The following GABRG3 variants were observed in gnomAD, a reference collection of about 807,000 sequenced individuals.
GABRG3 encodes gamma-aminobutyric acid receptor subunit gamma-3.
Under a neutral mutation model 48.8 loss-of-function variants are expected in GABRG3, and 25 were observed. That is an observed-to-expected ratio of 0.51 (90% confidence interval 0.37 to 0.72). The LOEUF (loss-of-function observed/expected upper bound fraction) is 0.72, where lower values mean the gene tolerates loss of function less well. GABRG3 is among the 30% of genes least tolerant of loss of function. The pLI, the probability that GABRG3 is intolerant of heterozygous loss-of-function variation, is 0.00. For synonymous variants in GABRG3, 227 were observed against 217.6 expected (o/e 1.04, Z -0.38); for missense variants, 394 against 577.9 (o/e 0.68, Z 3.26).
intron 3 of GABRG3, among the ~76,000 whole-genome samples, chr15:27,263,243 G>A (rs528857794): frequency 1.9e-4 from 29 of 152,316 alleles, no homozygotes; most frequent in African/African-American, 6.0e-4. Flanking sequence ...GAAATGTGGC[G>A]TTACAGCCAG....
intron 9 of GABRG3, 142 bp downstream of exon 9, chr15:27,528,134 G>A: frequency 4.5e-6 from 3 of 672,978 alleles, no homozygotes; most frequent in African/African-American, 1.8e-5. Flanking sequence ...AATGTGTTTA[G>A]TATTAGGTTA....
At chr15:27,301,840 A>G (rs1008405514) in intron 3 of GABRG3, among the ~76,000 whole-genome samples, 2 of 152,132 alleles carry the variant, frequency 1.3e-5, no homozygotes, top group African/African-American at 2.4e-5. Flanking sequence ...CACATAACCT[A>G]TAGTGGAACA....
At chr15:27,033,306 G>A (rs1196304046) in intron 3 of GABRG3, among the ~76,000 whole-genome samples, 1 of 152,126 alleles carries the variant, frequency 6.6e-6, no homozygotes, top group South Asian at 2.1e-4. Context: ...GGCTTCTTCA[G>A]ATGGATTTTT....
At chr15:27,207,367 T>TA (rs1279061403) in intron 3 of GABRG3, among the ~76,000 whole-genome samples, 1 of 152,198 alleles carries the variant, frequency 6.6e-6, no homozygotes, top group Non-Finnish European at 1.5e-5. Flanking sequence ...GTGACTGAGA[T>TA]AGGTCCAAGG....
intron 3 of GABRG3, among the ~76,000 whole-genome samples, chr15:27,159,446 C>A (rs1284853285): frequency 6.6e-6 from 1 of 151,778 alleles, no homozygotes; most frequent in African/African-American, 2.4e-5. Flanking sequence ...TGCGCCACTG[C>A]ACTTCAGCCT....
Position 27,327,887 on chromosome 15 carries a change from C to T in GABRG3, c.491+858C>T, listed in dbSNP as rs572490237. 1.6e-4 allele frequency among the ~76,000 whole-genome samples: 24 copies of T among 152,268 alleles called. No individual in the cohort carries two copies. In the South Asian group the frequency reaches 4.8e-3, roughly 30 times the overall value. On this transcript the variant is annotated intron_variant, in intron 4 of 9. Transcript: ENST00000615808. ...AGGGCTTGACCCCTGTCACTTTACT[C>T]TCCTTACCCATCCCTGCTGGCTTAG...
chr15:27,424,719 A>G (rs1242752162), intron 5 of GABRG3, among the ~76,000 whole-genome samples: 1 of 151,736 alleles, frequency 6.6e-6, no homozygotes, highest in Non-Finnish European at 1.5e-5. Flanking sequence ...ACACCTGGCT[A>G]ATTTTTGTAT....
intron 3 of GABRG3, among the ~76,000 whole-genome samples, chr15:27,269,336 G>A (rs2140472443): frequency 1.3e-5 from 2 of 152,272 alleles, no homozygotes; most frequent in Middle Eastern, 6.8e-3. Flanking sequence ...CCCTGGACCT[G>A]CCCACCACCA....
At chr15:26,979,550 G>C (rs557742495) in intron 2 of GABRG3, among the ~76,000 whole-genome samples, 2 of 152,190 alleles carry the variant, frequency 1.3e-5, no homozygotes, top group Non-Finnish European at 2.9e-5. Context: ...TTAAAAAAAA[G>C]TTTCATGATA....
chr15:27,343,703 C>A (rs1289200967), intron 5 of GABRG3, among the ~76,000 whole-genome samples: 1 of 152,188 alleles, frequency 6.6e-6, no homozygotes, highest in African/African-American at 2.4e-5. Flanking sequence ...AGGACATGTG[C>A]TGTTACCTAT....
At chr15:27,449,373 G>C (rs1187979358) in intron 5 of GABRG3, among the ~76,000 whole-genome samples, 1 of 152,194 alleles carries the variant, frequency 6.6e-6, no homozygotes, top group Non-Finnish European at 1.5e-5. Context: ...CAGCTCTGCA[G>C]AAGGTTTCCT....
chr15:26,997,146 C>T (rs540585434), intron 2 of GABRG3, among the ~76,000 whole-genome samples: 32 of 152,130 alleles, frequency 2.1e-4, no homozygotes, highest in African/African-American at 7.7e-4. Context: ...TGTACTTTTT[C>T]GTTCTGGAAT....
intron 5 of GABRG3, among the ~76,000 whole-genome samples, chr15:27,397,861 G>T (rs1887357837): frequency 6.7e-6 from 1 of 149,692 alleles, no homozygotes; most frequent in Non-Finnish European, 1.5e-5. Flanking sequence ...CTGCAGTGCA[G>T]TGGTGCGATC....
intron 3 of GABRG3, among the ~76,000 whole-genome samples, chr15:27,300,764 AAAG>A (rs1347410597): frequency 5.3e-5 from 8 of 152,150 alleles, no homozygotes; most frequent in Non-Finnish European, 1.0e-4. Context: ...GAGATTAAGA[AAAG>A]AAGCAGCTGG....
intron 3 of GABRG3, among the ~76,000 whole-genome samples, chr15:27,074,731 C>A (rs2140738122): frequency 6.6e-6 from 1 of 151,910 alleles, no homozygotes; most frequent in Admixed American, 6.6e-5. Flanking sequence ...TAGTGTCTGA[C>A]ACTAACTGGT....
intron 2 of GABRG3, among the ~76,000 whole-genome samples, chr15:27,006,795 T>A (rs1895593403): frequency 6.6e-6 from 1 of 152,162 alleles, no homozygotes. Context: ...CTTAGGATAA[T>A]GGTCTCCAAC....
chr15:27,154,705 AT>A (rs2140398752), intron 3 of GABRG3, among the ~76,000 whole-genome samples: 1 of 152,228 alleles, frequency 6.6e-6, no homozygotes, highest in African/African-American at 2.4e-5. Flanking sequence ...GTATATAATT[AT>A]TTTTATATGT....
At chr15:27,308,758 G>C (rs540479432) in intron 3 of GABRG3, among the ~76,000 whole-genome samples, 2 of 149,328 alleles carry the variant, frequency 1.3e-5, no homozygotes, top group African/African-American at 2.4e-5. Context: ...AACATATAAT[G>C]TAAACATACG....
chr15:26,993,760 T>A (rs1895289338), intron 2 of GABRG3, among the ~76,000 whole-genome samples: 1 of 152,012 alleles, frequency 6.6e-6, no homozygotes, highest in African/African-American at 2.4e-5. Flanking sequence ...CTTTGTTGAT[T>A]TTCTGTCTGG....
Sources: allele counts gnomAD v4.1 joint callset (sites outside exome capture counted in the v4.1 genomes callset), GRCh38; gene constraint gnomAD v4.1.1; transcripts MANE v1.5; gene names NCBI Gene and HGNC (gene_info 2026-07-23, HGNC 2026-07-21).